The following RBFOX1 variants were observed in gnomAD, a reference collection of about 807,000 sequenced individuals.
RBFOX1 encodes the protein RNA binding protein fox-1 homolog 1.
A neutral mutation model predicts 57.7 loss-of-function variants in RBFOX1; 8 were observed. The observed-to-expected ratio is 0.14, with a 90% CI of 0.08 to 0.25. RBFOX1 has a LOEUF of 0.25. RBFOX1 is among the 10% of genes least tolerant of loss of function. The pLI, the probability that RBFOX1 is intolerant of heterozygous loss-of-function variation, is 1.00. For missense variants in RBFOX1, 611 were observed against 548.5 expected (o/e 1.11, Z -1.14); for synonymous variants, 326 against 222.4 (o/e 1.47, Z -4.15).
rs146263496 is a variant in RBFOX1, at chr16:6,676,820, C to A, written c.-16+22170C>A. Among the ~76,000 whole-genome samples the A allele has an allele frequency of 2.6e-5, 4 of 151,760 alleles. No individual in the cohort carries two copies. The South Asian group carries it at 8.3e-4, about 32-fold the overall frequency. On this transcript the variant is annotated intron_variant, in intron 3 of 15. Coordinates refer to ENST00000550418, the MANE Select transcript of RBFOX1 (RefSeq NM_018723.4). ...CCTCCCTAGTAGCTGGGATTACAGG[C>A]ACCCGCCACCACTCCCAGCTAATTT...
At chr16:6,858,219 G>A (rs2058264062) in intron 3 of RBFOX1, among the ~76,000 whole-genome samples, 1 of 152,178 alleles carries the variant, frequency 6.6e-6, no homozygotes, top group Non-Finnish European at 1.5e-5. Context: ...GTAAACGAAG[G>A]TTGAATGGTT....
At chr16:6,210,377 A>AG (rs56338144) in intron 1 of RBFOX1, among the ~76,000 whole-genome samples, 26,530 of 128,128 alleles carry the variant, frequency 0.21, 4,160 homozygotes, top group Non-Finnish European at 0.29. Flanking sequence ...AAAAAAAAAA[A>AG]AGAGAAAGGA....
chr16:7,412,813 C>T (rs7196866), intron 4 of RBFOX1, among the ~76,000 whole-genome samples: 34,811 of 152,162 alleles, frequency 0.23, 4,978 homozygotes, highest in Middle Eastern at 0.37. Flanking sequence ...GAGGCCGAGG[C>T]AGGCGGACTG....
intron 3 of RBFOX1, among the ~76,000 whole-genome samples, chr16:7,031,562 C>G (rs1043089752): frequency 6.6e-6 from 1 of 151,364 alleles, no homozygotes; most frequent in Non-Finnish European, 1.5e-5. Flanking sequence ...GATCATGCCA[C>G]TGCACTCCAG....
chr16:7,039,335 A>T (rs991984474), intron 3 of RBFOX1, among the ~76,000 whole-genome samples: 1 of 152,116 alleles, frequency 6.6e-6, no homozygotes, highest in Non-Finnish European at 1.5e-5. Context: ...TCCTTTCAAA[A>T]CCAGACAAGA....
intron 1 of RBFOX1, among the ~76,000 whole-genome samples, chr16:5,284,101 T>A: frequency 6.6e-6 from 1 of 151,988 alleles, no homozygotes; most frequent in East Asian, 1.9e-4. Context: ...AAGGGTAGTT[T>A]CCCTGCAGAA....
chr16:6,375,451 G>C (rs904699124), intron 2 of RBFOX1, among the ~76,000 whole-genome samples: 1 of 151,166 alleles, frequency 6.6e-6, no homozygotes, highest in Non-Finnish European at 1.5e-5. Flanking sequence ...GAAGCCAAAA[G>C]AAGAAAACTG....
In RBFOX1 at chr16:7,538,098, A is replaced by T. The variant is rs117241741; in HGVS notation, c.270+19709A>T. Among the ~76,000 whole-genome samples the T allele has an allele frequency of 9.9e-3, 1,506 of 152,266 alleles. 9 individuals carry two copies. The highest frequency in any genetic ancestry group is 0.016 in the Non-Finnish European group (1,102 of 68,024). On this transcript the variant is annotated intron_variant, in intron 5 of 15. Transcript: ENST00000550418. ...GATCAGCTCTGGGTTAGACCTTGAG[A>T]CTGGGAGACAAAGAGTTGTGAGTAT...
At chr16:6,007,535 C>T (rs1413969968) in intron 4 of RBFOX1, among the ~76,000 whole-genome samples, 1 of 152,202 alleles carries the variant, frequency 6.6e-6, no homozygotes, top group East Asian at 1.9e-4. Context: ...CCAGTAGAGC[C>T]ATGCTACTTA....
chr16:6,686,539 A>G (rs1293484777), intron 3 of RBFOX1, among the ~76,000 whole-genome samples: 1 of 152,174 alleles, frequency 6.6e-6, no homozygotes, highest in African/African-American at 2.4e-5. Flanking sequence ...AATTATATAC[A>G]TCTTGGGAAC....
intron 3 of RBFOX1, among the ~76,000 whole-genome samples, chr16:6,848,252 C>G (rs542329115): frequency 2.0e-5 from 3 of 152,108 alleles, no homozygotes; most frequent in African/African-American, 4.8e-5. Flanking sequence ...AAGGGAGTCA[C>G]TTCACAGCTG....
At position 5,767,315 on chromosome 16, in the gene RBFOX1, T is replaced by C. The variant is rs541161282; in HGVS notation, c.319-99988T>C. 7.8e-4 allele frequency among the ~76,000 whole-genome samples: 118 copies of C among 152,142 alleles called. 1 individual carries two copies. Among genetic ancestry groups the C allele is most frequent in the Admixed American group, 2.0e-3 (31 of 15,276 alleles). Reference sequence around the variant, plus strand: ...TGCTCATGGTTGAAGGAAGGAAACGTTTCTCTTGGTCCATCTAGGTCAAGA... The same window carrying C: ...TGCTCATGGTTGAAGGAAGGAAACGCTTCTCTTGGTCCATCTAGGTCAAGA... On this transcript the variant is annotated intron_variant, in intron 3 of 19. Coordinates refer to the RBFOX1 transcript ENST00000641259.
rs868770765 is a variant in RBFOX1, at chr16:6,384,368, C to A, written c.-64+67311C>A. Among the ~76,000 whole-genome samples the A allele has an allele frequency of 5.9e-4, 90 of 152,194 alleles. 3 individuals are homozygous for A. The highest frequency in any genetic ancestry group is 4.2e-4 in the South Asian group (2 of 4,818). On this transcript the variant is annotated intron_variant, in intron 2 of 15. Coordinates refer to ENST00000550418, the MANE Select transcript of RBFOX1 (RefSeq NM_018723.4). ...TGCAGTAAAATTGCATTTTTCCCTGCCCCCTGTTTTGCATTTCAATTCAGC... is the reference window on the plus strand; with the variant it reads ...TGCAGTAAAATTGCATTTTTCCCTGACCCCTGTTTTGCATTTCAATTCAGC...
At chr16:7,606,077 G>GT (rs901485081) in intron 9 of RBFOX1, among the ~76,000 whole-genome samples, 13 of 150,110 alleles carry the variant, frequency 8.7e-5, no homozygotes, top group African/African-American at 2.7e-4. Flanking sequence ...TCTCAAAGTG[G>GT]TAGGATTACA....
intron 2 of RBFOX1, among the ~76,000 whole-genome samples, chr16:6,453,790 C>G (rs2094693912): frequency 6.6e-6 from 1 of 152,164 alleles, no homozygotes; most frequent in South Asian, 2.1e-4. Flanking sequence ...TTCAGTGCCT[C>G]ACTGGGACTA....
At chr16:7,013,347 A>C (rs920116850) in intron 3 of RBFOX1, among the ~76,000 whole-genome samples, 2 of 152,214 alleles carry the variant, frequency 1.3e-5, no homozygotes, top group African/African-American at 2.4e-5. Context: ...CAATAAACAT[A>C]AACCAGTCCC....
chr16:7,286,558 C>G (rs1299821798), intron 4 of RBFOX1, among the ~76,000 whole-genome samples: 1 of 149,264 alleles, frequency 6.7e-6, no homozygotes, highest in African/African-American at 2.5e-5. Flanking sequence ...AAGCAACTTT[C>G]CCTGCCTCAG....
Position 5,948,892 on chromosome 16 carries a change from C to A in RBFOX1, c.351+81557C>A, listed in dbSNP as rs149678337. 1.7e-4 allele frequency among the ~76,000 whole-genome samples: 26 copies of A among 152,324 alleles called. 1 individual carries two copies. The East Asian group carries it at 4.4e-3, about 26-fold the overall frequency. ...GACAGGGGCACTGCCATTTTATTCA[C>A]TCACCCAACACCTAGTGGGTACATT... is the stretch of plus-strand genomic sequence containing the variant. On this transcript the variant is annotated intron_variant, in intron 4 of 19. Transcript: ENST00000641259.
At chr16:6,878,465 T>C (rs888393986) in intron 3 of RBFOX1, among the ~76,000 whole-genome samples, 2 of 152,188 alleles carry the variant, frequency 1.3e-5, no homozygotes, top group African/African-American at 4.8e-5. Context: ...CCCTGTCTCT[T>C]ACCACCAAAT....
Sources: allele counts gnomAD v4.1 joint callset (sites outside exome capture counted in the v4.1 genomes callset), GRCh38; gene constraint gnomAD v4.1.1; transcripts MANE v1.5; gene names NCBI Gene and HGNC (gene_info 2026-07-23, HGNC 2026-07-21).